C9orf85: variants seen among roughly 807,000 people sequenced by gnomAD.
C9orf85 encodes the protein chromosome 9 open reading frame 85, also known as uncharacterized protein C9orf85.
In C9orf85, 16 loss-of-function variants were observed where a neutral mutation model predicts 14.9. The observed-to-expected ratio is 1.08, with a 90% CI of 0.73 to 1.63. The LOEUF (loss-of-function observed/expected upper bound fraction) is 1.63, where lower values mean the gene tolerates loss of function less well. Ranked by LOEUF, C9orf85 falls within the 40% of genes most tolerant of loss-of-function variation. The probability of loss-of-function intolerance (pLI) is 0.00; values close to 1 mark genes in which losing one functional copy is unlikely to be tolerated. For missense variants in C9orf85, 172 were observed against 186.1 expected, an observed-to-expected ratio of 0.92 and a Z score of 0.44; for synonymous variants, 45 against 56.8, an observed-to-expected ratio of 0.79 and a Z score of 0.93.
In C9orf85 at chr9:71,911,688, C is replaced by G; in HGVS notation, c.-47C>G. 2.6e-6 allele frequency: 4 copies of G among 1,536,312 alleles called. No individual in the cohort carries two copies. The highest frequency in any genetic ancestry group is 3.6e-6 in the Non-Finnish European group (4 of 1,109,156). On this transcript the variant is annotated 5_prime_UTR_variant, in exon 1 of 4. Coordinates refer to ENST00000334731, the MANE Select transcript of C9orf85 (RefSeq NM_182505.5). ...GAGTAGTTCGTTGGTTTTCTTTCCC[C>G]TCATCCTTTTGCCTGCTCCCGGCGA...
At chr9:71,982,632 CTTT>C (rs56038535) in intron 3 of C9orf85, 2,344 of 244,256 alleles carry the variant, frequency 9.6e-3, no homozygotes, top group Middle Eastern at 0.017. Flanking sequence ...TTGTATATTT[CTTT>C]TTTTTTTTTT....
intron 2 of C9orf85, among the ~76,000 whole-genome samples, chr9:71,952,557 G>A (rs182818203): frequency 1.1e-4 from 17 of 152,138 alleles, no homozygotes; most frequent in African/African-American, 3.1e-4. Context: ...TAGTAGAGAC[G>A]GGGTTTCACC....
At chr9:71,912,740 C>CCGACGTGGTGA (rs1189543473) in intron 1 of C9orf85, among the ~76,000 whole-genome samples, 1 of 152,100 alleles carries the variant, frequency 6.6e-6, no homozygotes, top group Admixed American at 6.6e-5. Context: ...CAAAAATTAG[C>CCGACGTGGTGA]CGACGTGGTG....
At position 71,943,335 on chromosome 9, in the gene C9orf85, C is replaced by CA. The variant is rs562578571; in HGVS notation, c.103-3663dup. ...TTGGCAATTCTGAAAGAATTATGTA[C>CA]AAAAAAAACCTAAGGAAAAATTATT... On this transcript the variant is annotated intron_variant, in intron 1 of 3. Transcript: ENST00000334731. 6.0e-5 allele frequency among the ~76,000 whole-genome samples: 9 copies of CA among 150,920 alleles called. No homozygotes were observed. In the East Asian group the frequency reaches 1.6e-3, roughly 26 times the overall value.
intron 2 of C9orf85, among the ~76,000 whole-genome samples, chr9:71,968,683 A>T (rs1822769434): frequency 6.6e-6 from 1 of 152,174 alleles, no homozygotes; most frequent in Non-Finnish European, 1.5e-5. Context: ...AATAGCACTC[A>T]AACATAAATT....
intron 1 of C9orf85, among the ~76,000 whole-genome samples, chr9:71,920,653 A>G (rs1249470060): frequency 6.6e-6 from 1 of 152,216 alleles, no homozygotes; most frequent in Non-Finnish European, 1.5e-5. Context: ...TGAATCCTGC[A>G]TGTCCTCAGA....
At chr9:71,959,721 AC>A (rs2132333786) in intron 2 of C9orf85, among the ~76,000 whole-genome samples, 1 of 152,302 alleles carries the variant, frequency 6.6e-6, no homozygotes, top group South Asian at 2.1e-4. Flanking sequence ...GTCTGCTGTT[AC>A]CTGCAAGAAC....
At chr9:71,972,625 T>G in intron 3 of C9orf85, 67 bp from the exon 4 acceptor site, 1 of 1,250,986 alleles carries the variant, frequency 8.0e-7, no homozygotes, top group Non-Finnish European at 1.1e-6. Context: ...GTAAAAGTCT[T>G]TTCAATCTAC....
chr9:71,979,925 A>G (rs774171156), intron 3 of C9orf85, among the ~76,000 whole-genome samples: 1 of 152,192 alleles, frequency 6.6e-6, no homozygotes, highest in Non-Finnish European at 1.5e-5. Context: ...AATTTTTAGC[A>G]TAATTCAGTA....
intron 2 of C9orf85, among the ~76,000 whole-genome samples, chr9:71,963,918 G>A (rs1822604675): frequency 6.6e-6 from 1 of 152,186 alleles, no homozygotes; most frequent in African/African-American, 2.4e-5. Context: ...GGGCTGAGGA[G>A]TGCGGGCGCA....
intron 1 of C9orf85, chr9:71,941,833 G>A (rs1034258917): frequency 2.0e-5 from 3 of 152,168 alleles, no homozygotes; most frequent in African/African-American, 4.8e-5. Context: ...GGTTAAGCAC[G>A]AGAAGGTCTT....
At chr9:71,976,498 T>C (rs1210894983), downstream of C9orf85, among the ~76,000 whole-genome samples, 1 of 151,938 alleles carries the variant, frequency 6.6e-6, no homozygotes, top group African/African-American at 2.4e-5. Context: ...CCGTCTCTAC[T>C]AAAAATACAA....
At chr9:71,948,540 G>C (rs1822160010) in intron 2 of C9orf85, among the ~76,000 whole-genome samples, 3 of 150,990 alleles carry the variant, frequency 2.0e-5, no homozygotes, top group Admixed American at 2.0e-4. Context: ...AATTTATTTT[G>C]AGATAGGGTC....
chr9:71,930,552 T>C (rs1433744968), intron 1 of C9orf85, among the ~76,000 whole-genome samples: 1 of 151,098 alleles, frequency 6.6e-6, no homozygotes, highest in African/African-American at 2.4e-5. Flanking sequence ...CCCAACACTT[T>C]GGGAGACTGA....
chr9:71,933,059 A>G (rs559902066), intron 1 of C9orf85, among the ~76,000 whole-genome samples: 93 of 152,306 alleles, frequency 6.1e-4, no homozygotes, highest in African/African-American at 2.0e-3. Flanking sequence ...GACAATGGAA[A>G]TTGTCAAGTA....
At chr9:71,953,057 G>C (rs1285862420) in intron 2 of C9orf85, among the ~76,000 whole-genome samples, 1 of 152,094 alleles carries the variant, frequency 6.6e-6, no homozygotes, top group Admixed American at 6.6e-5. Flanking sequence ...CTTGAGGATG[G>C]AGTTTGTCCC....
At chr9:71,922,303 A>G (rs1339751888) in intron 1 of C9orf85, among the ~76,000 whole-genome samples, 1 of 152,080 alleles carries the variant, frequency 6.6e-6, no homozygotes, top group Admixed American at 6.5e-5. Flanking sequence ...TTTGGTTTGT[A>G]CATACCCTAA....
At chr9:71,914,393 A>C (rs1189125807) in intron 1 of C9orf85, among the ~76,000 whole-genome samples, 1 of 152,076 alleles carries the variant, frequency 6.6e-6, no homozygotes, top group Non-Finnish European at 1.5e-5. Flanking sequence ...GGCCCAAGAC[A>C]ATTCTTCCAG....
intron 1 of C9orf85, among the ~76,000 whole-genome samples, chr9:71,941,290 C>T (rs1299992167): frequency 1.3e-4 from 20 of 152,118 alleles, no homozygotes; most frequent in Admixed American, 1.2e-3. Flanking sequence ...TTAACATGGC[C>T]TCCATAGATT....
Sources: gnomAD v4.1 joint callset for allele counts (sites outside exome capture counted in the v4.1 genomes callset) on GRCh38, gnomAD v4.1.1 for gene constraint, MANE v1.5 for transcripts, NCBI Gene and HGNC (gene_info 2026-07-23, HGNC 2026-07-21) for gene names.